The following CTNND2 variants were observed in gnomAD, a reference collection of about 807,000 sequenced individuals.
The protein encoded by CTNND2 is catenin delta-2.
In CTNND2, 22 loss-of-function variants were observed where a neutral mutation model predicts 144.4. The observed-to-expected ratio is 0.15, with a 90% CI of 0.11 to 0.22. The LOEUF is 0.22. CTNND2 is among the 10% of genes least tolerant of loss of function. The pLI is 1.00. For synonymous variants in CTNND2, 751 were observed against 695.6 expected (o/e 1.08, Z -1.25); for missense variants, 1,353 against 1,618.8 (o/e 0.84, Z 2.82).
At chr5:11,577,131 T>C (rs1383031118) in intron 2 of CTNND2, among the ~76,000 whole-genome samples, 1 of 152,242 alleles carries the variant, frequency 6.6e-6, no homozygotes, top group Non-Finnish European at 1.5e-5. Context: ...TTATGTTTTA[T>C]TTCAAGGCAA....
At chr5:11,582,456 G>A (rs1778509429) in intron 2 of CTNND2, among the ~76,000 whole-genome samples, 1 of 152,106 alleles carries the variant, frequency 6.6e-6, no homozygotes, top group South Asian at 2.1e-4. Context: ...AATGGAGAAC[G>A]ACCGTCACTG....
intron 3 of CTNND2, among the ~76,000 whole-genome samples, chr5:11,428,696 A>G (rs31898): frequency 0.085 from 12,940 of 152,240 alleles, 669 homozygotes; most frequent in African/African-American, 0.14. Flanking sequence ...TAATATTCTA[A>G]GCATGCTCTG....
At chr5:11,005,727 G>T (rs943357200) in intron 18 of CTNND2, among the ~76,000 whole-genome samples, 8 of 152,216 alleles carry the variant, frequency 5.3e-5, no homozygotes, top group Non-Finnish European at 1.0e-4. Flanking sequence ...AGCACTGGAT[G>T]TATGGACAGT....
chr5:11,798,002 A>G (rs949770700), intron 1 of CTNND2, among the ~76,000 whole-genome samples: 1 of 152,196 alleles, frequency 6.6e-6, no homozygotes, highest in Admixed American at 6.5e-5. Context: ...TCACGCCTGT[A>G]ATCCTAGCAT....
intron 1 of CTNND2, among the ~76,000 whole-genome samples, chr5:11,800,003 C>G (rs1299550161): frequency 2.0e-5 from 3 of 152,124 alleles, no homozygotes; most frequent in Non-Finnish European, 4.4e-5. Flanking sequence ...GGACTAGCTG[C>G]CCATTTAGCC....
chr5:11,903,883 C>T lies in CTNND2; in HGVS notation c.-30G>A. ...CCTCCGCCGGCGACAGCTCCTCAGTCCGGGAAGAGGCGTGCGCGGCGCCGC... is the reference window on the plus strand; with the variant it reads ...CCTCCGCCGGCGACAGCTCCTCAGTTCGGGAAGAGGCGTGCGCGGCGCCGC... On this transcript the variant is annotated 5_prime_UTR_variant, in exon 1 of 22. Transcript: ENST00000304623. This position sits in a 1 kb window ranked among gnomAD's most constrained non-coding sequence, Gnocchi z 5.4. The T allele has an allele frequency of 6.9e-7, 1 of 1,445,894 alleles. No individual in the cohort carries two copies. The highest frequency in any genetic ancestry group is 9.0e-7 in the Non-Finnish European group (1 of 1,105,926). The allele number at this position is 1,445,894 out of a possible 1,614,324, so 89.6% of individuals were successfully genotyped here.
chr5:11,839,784 T>TAG (rs113307076), intron 1 of CTNND2, among the ~76,000 whole-genome samples: 2,306 of 145,788 alleles, frequency 0.016, 54 homozygotes, highest in African/African-American at 0.053. Flanking sequence ...TAGACATAGG[T>TAG]AGAGAGAGAG....
In CTNND2 at chr5:11,029,447, G is replaced by A. The variant is rs112733703; in HGVS notation, c.2789-6468C>T. Among the ~76,000 whole-genome samples, 6 of 152,066 alleles carry A rather than the reference G, an allele frequency of 3.9e-5. 1 individual carries two copies. Among genetic ancestry groups the A allele is most frequent in the African/African-American group, 1.4e-4 (6 of 41,472 alleles). ...TTCCTTATTTTCTTTCGTCTATATA[G>A]TTTAATGATTTTCTTTGTGGTTACC... On this transcript the variant is annotated intron_variant, in intron 16 of 21. Transcript: ENST00000304623.
intron 16 of CTNND2, among the ~76,000 whole-genome samples, chr5:11,043,829 T>C (rs1744943500): frequency 6.6e-6 from 1 of 152,200 alleles, no homozygotes; most frequent in Non-Finnish European, 1.5e-5. Context: ...AGAGATTGCA[T>C]GGAAGATTAA....
chr5:11,617,749 C>T (rs572596157), intron 2 of CTNND2, among the ~76,000 whole-genome samples: 1 of 152,266 alleles, frequency 6.6e-6, no homozygotes, highest in Non-Finnish European at 1.5e-5. Context: ...CAAAGTTAAA[C>T]AAGCATCTTT....
At chr5:11,653,423 C>CA (rs1331834148) in intron 2 of CTNND2, among the ~76,000 whole-genome samples, 1 of 152,002 alleles carries the variant, frequency 6.6e-6, no homozygotes, top group African/African-American at 2.4e-5. Context: ...TTTATAACAG[C>CA]AATACTAACA....
In CTNND2 at chr5:11,423,220, G is replaced by A. The variant is rs185040351; in HGVS notation, c.288-11151C>T. Among the ~76,000 whole-genome samples the A allele has an allele frequency of 3.9e-5, 6 of 152,272 alleles. No individual in the cohort carries two copies. The East Asian group carries it at 1.2e-3, about 29-fold the overall frequency. ...ACTGAATAGTTTGTGTAGTTTGTGT[G>A]CTTGGTGTATACTGCGGCATTCTAT... On this transcript the variant is annotated intron_variant, in intron 3 of 21. Coordinates refer to ENST00000304623, the MANE Select transcript of CTNND2 (RefSeq NM_001332.4).
At chr5:11,683,509 T>C (rs1784513049) in intron 2 of CTNND2, among the ~76,000 whole-genome samples, 1 of 152,228 alleles carries the variant, frequency 6.6e-6, no homozygotes, top group South Asian at 2.1e-4. Flanking sequence ...TTAATCATTT[T>C]AAACAATCCA....
rs185658358 is a variant in CTNND2 at position 11,284,419 on chromosome 5, T to G, written c.1629-47596A>C. On this transcript the variant is annotated intron_variant, in intron 9 of 21. Transcript: ENST00000304623. Reference sequence around the variant, plus strand: ...TCTTTATCCTAATGCTCTCCCAGCCTGCCCCCTGGACAGGACCCAGTGTGT... The same window carrying G: ...TCTTTATCCTAATGCTCTCCCAGCCGGCCCCCTGGACAGGACCCAGTGTGT... 4.2e-3 allele frequency among the ~76,000 whole-genome samples: 640 copies of G among 152,284 alleles called. 2 individuals carry two copies. The highest frequency in any genetic ancestry group is 6.7e-3 in the Non-Finnish European group (456 of 68,022).
chr5:11,866,042 C>A (rs1203062558), intron 1 of CTNND2, among the ~76,000 whole-genome samples: 1 of 152,104 alleles, frequency 6.6e-6, no homozygotes, highest in Non-Finnish European at 1.5e-5. Flanking sequence ...GTGGCTCACA[C>A]CTGTAATCCC....
chr5:11,750,343 A>G (rs1255608453), intron 1 of CTNND2, among the ~76,000 whole-genome samples: 5 of 151,910 alleles, frequency 3.3e-5, no homozygotes, highest in Non-Finnish European at 5.9e-5. Flanking sequence ...TGGCAGAGGC[A>G]TAAGAGATTG....
chr5:11,749,858 T>C (rs904471355), intron 1 of CTNND2, among the ~76,000 whole-genome samples: 16 of 152,120 alleles, frequency 1.1e-4, no homozygotes, highest in Admixed American at 1.1e-3. Flanking sequence ...TTACTATACC[T>C]TATTTAAAAA....
At chr5:11,711,152 T>C (rs530491796) in intron 2 of CTNND2, among the ~76,000 whole-genome samples, 1 of 152,148 alleles carries the variant, frequency 6.6e-6, no homozygotes, top group East Asian at 1.9e-4. Context: ...GCCTCCTGGG[T>C]TCAAGTGATT....
intron 3 of CTNND2, among the ~76,000 whole-genome samples, chr5:11,414,953 G>C (rs1265494960): frequency 6.6e-6 from 1 of 152,186 alleles, no homozygotes; most frequent in African/African-American, 2.4e-5. Flanking sequence ...TGGCTGCATA[G>C]TATTCCATGG....
Sources: gnomAD v4.1 joint callset for allele counts (sites outside exome capture counted in the v4.1 genomes callset) on GRCh38, gnomAD v4.1.1 for gene constraint, Gnocchi (gnomAD v3.1) non-coding constraint, MANE v1.5 for transcripts, NCBI Gene and HGNC (gene_info 2026-07-23, HGNC 2026-07-21) for gene names.